AP3B1: variants seen among roughly 807,000 people sequenced by gnomAD.
AP3B1 encodes AP-3 complex subunit beta-1.
AP3B1 carries 61 observed loss-of-function variants against 132.5 expected under a neutral mutation model. That is an observed-to-expected ratio of 0.46 (90% CI 0.37 to 0.57). AP3B1 has a LOEUF of 0.57. Ranked by LOEUF, AP3B1 falls within the 20% of genes least tolerant of loss-of-function variation. The probability of loss-of-function intolerance (pLI) is 0.00; values close to 1 mark genes in which losing one functional copy is unlikely to be tolerated. For synonymous variants in AP3B1, 388 were observed against 438.3 expected (o/e 0.89, Z 1.43); for missense variants, 1,120 against 1,289.4 (o/e 0.87, Z 2.01).
intron 22 of AP3B1, among the ~76,000 whole-genome samples, chr5:78,077,882 A>G (rs969245888): frequency 8.5e-5 from 13 of 152,154 alleles, no homozygotes; most frequent in African/African-American, 1.2e-4. Flanking sequence ...ACGCTGCTCT[A>G]TGACTCACCT....
chr5:78,222,458 T>G (rs1226393596), intron 6 of AP3B1: 2 of 152,342 alleles, frequency 1.3e-5, no homozygotes, highest in African/African-American at 4.8e-5. Context: ...AGTCTTGGCC[T>G]TTTTCTGCAA....
At chr5:78,244,093 G>T (rs1342794537) in intron 2 of AP3B1, among the ~76,000 whole-genome samples, 1 of 151,794 alleles carries the variant, frequency 6.6e-6, no homozygotes, top group Non-Finnish European at 1.5e-5. Context: ...GATTATATAT[G>T]ATATAAGAAA....
At chr5:78,079,881 G>A (rs1749914750) in intron 22 of AP3B1, among the ~76,000 whole-genome samples, 1 of 152,168 alleles carries the variant, frequency 6.6e-6, no homozygotes, top group African/African-American at 2.4e-5. Context: ...CCAGAATTTG[G>A]ATTTGGTGTT....
chr5:78,020,592 A>G, intron 25 of AP3B1, 100 bp downstream of exon 25: 1 of 917,254 alleles, frequency 1.1e-6, no homozygotes, highest in Non-Finnish European at 1.7e-6. Context: ...AATATCTGTT[A>G]ATGGCTATGT....
At chr5:78,189,953 CTAAT>C (rs1481322750) in intron 7 of AP3B1, among the ~76,000 whole-genome samples, 1 of 146,246 alleles carries the variant, frequency 6.8e-6, no homozygotes, top group African/African-American at 2.5e-5. Context: ...ATTATGCAAA[CTAAT>C]AAAATATTAA....
intron 2 of AP3B1, among the ~76,000 whole-genome samples, chr5:78,267,090 G>A (rs2112561818): frequency 6.6e-6 from 1 of 152,022 alleles, no homozygotes; most frequent in South Asian, 2.1e-4. Flanking sequence ...ACTGAATAAA[G>A]TGTTTCTATT....
At chr5:78,118,179 T>C (rs1751946746) in intron 17 of AP3B1, among the ~76,000 whole-genome samples, 1 of 152,224 alleles carries the variant, frequency 6.6e-6, no homozygotes, top group African/African-American at 2.4e-5. Flanking sequence ...CTAGTTTTGT[T>C]TTATTTAAAA....
At chr5:78,067,598 T>C (rs978759541) in intron 22 of AP3B1, among the ~76,000 whole-genome samples, 5 of 152,188 alleles carry the variant, frequency 3.3e-5, no homozygotes, top group African/African-American at 1.2e-4. Context: ...AAATTGGAAT[T>C]CAAGGTTAAG....
At chr5:78,117,204 G>T in intron 17 of AP3B1, among the ~76,000 whole-genome samples, 3 of 132,096 alleles carry the variant, frequency 2.3e-5, no homozygotes, top group African/African-American at 5.7e-5. Flanking sequence ...ATCACAGCAT[G>T]TATTACTTGT....
rs1561217286 is a variant in AP3B1, at chr5:78,278,628, G to GAAAAA, written c.129-11034_129-11033insTTTTT. Among the ~76,000 whole-genome samples the GAAAAA allele has an allele frequency of 2.6e-4, 11 of 42,678 alleles. 1 individual carries two copies. The highest frequency in any genetic ancestry group is 7.5e-4 in the African/African-American group (10 of 13,324). 28.0% of individuals were successfully genotyped at this position (42,678 alleles called of 152,430 possible). A position where few individuals can be genotyped will look rare whatever the true frequency, so the allele number is the denominator to read the frequency against. ...AAAAAAAAAAAAAAAAAAAAAAAGG[G>GAAAAA]GGGGGGGGACTAATTAATTATGAGG... On this transcript the variant is annotated intron_variant, in intron 1 of 26. Transcript: ENST00000255194.
chr5:78,003,049 T>G lies in AP3B1; in HGVS notation c.3138A>C (p.Ala1046=). The G allele has an allele frequency of 6.2e-7, 1 of 1,614,108 alleles. No homozygotes were observed. Among genetic ancestry groups the G allele is most frequent in the Non-Finnish European group, 8.5e-7 (1 of 1,180,002 alleles). Residue 1046 remains alanine (A), a synonymous_variant, in exon 27 of 27, where the codon GCA becomes GCC. Coordinates refer to ENST00000255194, the MANE Select transcript of AP3B1 (RefSeq NM_003664.5). ...ATGACCCACTGTGCACAGTTTTAGC[T>G]GCAAACCTGGAAGAGAAAAAAGAGA... The part of the protein sequence containing the change: ...PSGQDNIHRF[A]AKTVHSGSLM...
At chr5:78,111,235 T>C (rs1044027074) in intron 19 of AP3B1, among the ~76,000 whole-genome samples, 4 of 152,156 alleles carry the variant, frequency 2.6e-5, no homozygotes, top group African/African-American at 9.7e-5. Context: ...TTGCTAAAAA[T>C]TTAAGCTAAT....
At position 78,002,583 on chromosome 5, in the gene AP3B1, T is replaced by C; in HGVS notation, c.*319A>G. ...CAATGAACTTTAAATATCTCATTCATGTCTACCATTGTCGAAAAAGAGAAG... is the reference window on the plus strand; with the variant it reads ...CAATGAACTTTAAATATCTCATTCACGTCTACCATTGTCGAAAAAGAGAAG... On this transcript the variant is annotated 3_prime_UTR_variant, in exon 27 of 27. Coordinates refer to ENST00000255194, the MANE Select transcript of AP3B1 (RefSeq NM_003664.5). 1 of 571,176 alleles carries C rather than the reference T, an allele frequency of 1.8e-6. No individual in the cohort carries two copies. Among genetic ancestry groups the C allele is most frequent in the Non-Finnish European group, 3.1e-6 (1 of 323,360 alleles). 35.4% of individuals were successfully genotyped at this position (571,176 alleles called of 1,614,324 possible). A position where few individuals can be genotyped will look rare whatever the true frequency, so the allele number is the denominator to read the frequency against.
intron 22 of AP3B1, chr5:78,044,238 T>C (rs774152570): frequency 1.3e-5 from 2 of 154,150 alleles, no homozygotes; most frequent in South Asian, 2.0e-4. Context: ...CAGAGCTATA[T>C]ATTTTATATT....
chr5:78,292,052 T>A (rs886891697), intron 1 of AP3B1, among the ~76,000 whole-genome samples: 4 of 152,178 alleles, frequency 2.6e-5, no homozygotes, highest in African/African-American at 7.2e-5. Context: ...ATTTTTTTTT[T>A]AATTGGTAAA....
chr5:78,052,895 TTTTA>T (rs1246887952), intron 22 of AP3B1, among the ~76,000 whole-genome samples: 4 of 152,240 alleles, frequency 2.6e-5, no homozygotes, highest in Admixed American at 6.5e-5. Flanking sequence ...CTCCTATTCT[TTTTA>T]TATTTCTTTT....
Position 78,293,693 on chromosome 5 carries a change from T to C in AP3B1, c.128+759A>G, listed in dbSNP as rs1749629789. Among the ~76,000 whole-genome samples the C allele has an allele frequency of 2.0e-5, 3 of 152,196 alleles. No individual in the cohort carries two copies. The South Asian group carries it at 6.2e-4, about 32-fold the overall frequency. ...ATGTAAAAATGATAATTCTGGTAAATGTAACCACTACCACCAACCCACCCC... is the reference window on the plus strand; with the variant it reads ...ATGTAAAAATGATAATTCTGGTAAACGTAACCACTACCACCAACCCACCCC... On this transcript the variant is annotated intron_variant, in intron 1 of 26. Transcript: ENST00000255194.
At chr5:78,201,466 A>T (rs1437611457) in intron 7 of AP3B1, among the ~76,000 whole-genome samples, 1 of 152,236 alleles carries the variant, frequency 6.6e-6, no homozygotes, top group Non-Finnish European at 1.5e-5. Flanking sequence ...CAGCAAAATA[A>T]CACTGAAAAT....
chr5:78,160,636 A>C (rs978767091), intron 13 of AP3B1, among the ~76,000 whole-genome samples: 10 of 152,114 alleles, frequency 6.6e-5, no homozygotes, highest in African/African-American at 2.4e-4. Flanking sequence ...TCAATATAAA[A>C]TCAAATAATT....
Sources: gnomAD v4.1 joint callset for allele counts (sites outside exome capture counted in the v4.1 genomes callset) on GRCh38, gnomAD v4.1.1 for gene constraint, MANE v1.5 for transcripts, NCBI Gene and HGNC (gene_info 2026-07-23, HGNC 2026-07-21) for gene names.